The following PIEZO2 variants were observed in gnomAD, a reference collection of about 807,000 sequenced individuals.
The protein encoded by PIEZO2 is piezo type mechanosensitive ion channel component 2, also known as piezo-type mechanosensitive ion channel component 2.
In PIEZO2, 172 loss-of-function variants were observed where a neutral mutation model predicts 337.3. The ratio of observed to expected loss-of-function variants is 0.51; its 90% CI spans 0.45 to 0.58. The LOEUF (loss-of-function observed/expected upper bound fraction) is 0.58, where lower values mean the gene tolerates loss of function less well. Ranked by LOEUF, PIEZO2 falls within the 20% of genes least tolerant of loss-of-function variation. The pLI is 0.00. For missense variants in PIEZO2, 3,028 were observed against 3,391.3 expected (o/e 0.89, Z 2.66); for synonymous variants, 1,251 against 1,228.5 (o/e 1.02, Z -0.38).
At chr18:10,702,278 C>G in intron 42 of PIEZO2, 107 bp from the exon 43 acceptor site, 2 of 1,074,504 alleles carry the variant, frequency 1.9e-6, no homozygotes, top group South Asian at 1.6e-5. Context: ...CCGCATTTCA[C>G]AGTTTTGATG....
chr18:11,093,162 C>T (rs145652898), intron 1 of PIEZO2, among the ~76,000 whole-genome samples: 2 of 152,224 alleles, frequency 1.3e-5, no homozygotes, highest in African/African-American at 4.8e-5. Flanking sequence ...TACCTTTTCT[C>T]TCTCAATTAT....
In PIEZO2 at chr18:10,742,598, G is replaced by A; in HGVS notation, c.4532C>T (p.Ala1511Val). ...QLKRQMDRIK[A>V]RQQKYKKGKE... The stretch of plus-strand genomic sequence containing the variant: ...ACCCTTTTTATATTTCTGTTGCCTG[G>A]CCTTGATGCGATCCATCCTATAAAG... Residue 1511 changes from alanine to valine, a missense_variant, in exon 32 of 56, where the codon GCC becomes GTC. By Grantham distance (64) the Ala-to-Val change is moderately conservative. This residue lies in a region of PIEZO2 where 1,925 missense variants were observed against 2,051.9 expected (regional missense o/e 0.94). Coordinates refer to ENST00000674853, the MANE Select transcript of PIEZO2 (RefSeq NM_001378183.1). The A allele has an allele frequency of 6.5e-7, 1 of 1,537,012 alleles. No homozygotes were observed. The highest frequency in any genetic ancestry group is 8.7e-7 in the Non-Finnish European group (1 of 1,146,832).
chr18:10,687,238 T>G (rs1013483876), intron 49 of PIEZO2, among the ~76,000 whole-genome samples: 1 of 152,116 alleles, frequency 6.6e-6, no homozygotes, highest in African/African-American at 2.4e-5. Context: ...ACCTAGGTAT[T>G]AAGCCCAGTG....
At position 10,784,652 on chromosome 18, in the gene PIEZO2, A is replaced by T; in HGVS notation, c.2492+132T>A. 1.2e-6 allele frequency: 1 copy of T among 849,192 alleles called. No individual in the cohort carries two copies. Among genetic ancestry groups the T allele is most frequent in the African/African-American group, 1.7e-5 (1 of 58,730 alleles). The allele number at this position is 849,192 out of a possible 1,614,324, so 52.6% of individuals were successfully genotyped here. On this transcript the variant is annotated intron_variant, in intron 17 of 55. Coordinates refer to ENST00000674853, the MANE Select transcript of PIEZO2 (RefSeq NM_001378183.1). The surrounding 1 kb of genome is among the most constrained non-coding windows in gnomAD (Gnocchi z 4.5). ...CACATGTTTTCCTCTTTTTCTCACA[A>T]GCTGATACTCATGGAAAATTCAAGG...
intron 1 of PIEZO2, among the ~76,000 whole-genome samples, chr18:11,100,213 T>C (rs2146088169): frequency 6.6e-6 from 1 of 152,354 alleles, no homozygotes. Flanking sequence ...TTTTCTACAA[T>C]GATTCAAAGA....
chr18:11,115,900 T>C (rs1024983924), intron 1 of PIEZO2, among the ~76,000 whole-genome samples: 1 of 152,166 alleles, frequency 6.6e-6, no homozygotes, highest in Non-Finnish European at 1.5e-5. Context: ...GAAGAGAAGC[T>C]TTCTTCCTTT....
intron 3 of PIEZO2, among the ~76,000 whole-genome samples, chr18:10,959,067 T>C (rs772817280): frequency 2.0e-5 from 3 of 152,148 alleles, no homozygotes; most frequent in Admixed American, 2.0e-4. Flanking sequence ...ATTAAATATA[T>C]GTCATCAGCA....
chr18:10,924,169 C>A (rs1391518962), intron 3 of PIEZO2, among the ~76,000 whole-genome samples: 1 of 152,238 alleles, frequency 6.6e-6, no homozygotes, highest in Non-Finnish European at 1.5e-5. Flanking sequence ...GCAACATACA[C>A]ACTCTGAAGC....
chr18:10,715,057 G>A, intron 38 of PIEZO2, 127 bp from the exon 39 acceptor site: 5 of 908,212 alleles, frequency 5.5e-6, no homozygotes, highest in Non-Finnish European at 6.4e-6. Context: ...ACCATGCTAG[G>A]CAAGTGGGGA....
intron 7 of PIEZO2, among the ~76,000 whole-genome samples, chr18:10,835,764 G>C (rs1402491193): frequency 6.6e-6 from 1 of 152,172 alleles, no homozygotes; most frequent in East Asian, 1.9e-4. Context: ...GGCTGGTCTC[G>C]AACTCCTGAC....
intron 2 of PIEZO2, among the ~76,000 whole-genome samples, chr18:10,987,568 A>T (rs1009455861): frequency 6.6e-6 from 1 of 151,950 alleles, no homozygotes; most frequent in African/African-American, 2.4e-5. Context: ...CTCAAAATGT[A>T]TTAAAAATAT....
At position 11,148,377 on chromosome 18, in the gene PIEZO2, T is replaced by A. The variant is rs959741684; in HGVS notation, c.64+148A>T. ...AGAGTGGGAAGTGAGAGAGCCAGGC[T>A]GTGCACCAGGGACAGCGCGCGTCTG... On this transcript the variant is annotated intron_variant, in intron 1 of 55. Coordinates refer to ENST00000674853, the MANE Select transcript of PIEZO2 (RefSeq NM_001378183.1). This position sits in a 1 kb window ranked among gnomAD's most constrained non-coding sequence, Gnocchi z 5.2. The A allele has an allele frequency of 3.0e-5, 26 of 855,228 alleles. No individual in the cohort carries two copies. Among genetic ancestry groups the A allele is most frequent in the Non-Finnish European group, 4.5e-5 (25 of 550,240 alleles). The allele number at this position is 855,228 out of a possible 1,614,324, so 53.0% of individuals were successfully genotyped here. A position where few individuals can be genotyped will look rare whatever the true frequency, so the allele number is the denominator to read the frequency against.
chr18:11,032,958 C>T lies in PIEZO2; in HGVS notation c.160+33169G>A, dbSNP rs1405342343. The stretch of plus-strand genomic sequence containing the variant: ...CCATGGATAGCACTGGACTCACAGT[C>T]AAGGTAGATGAGAAATGAGTGAGGT... On this transcript the variant is annotated intron_variant, in intron 2 of 55. Transcript: ENST00000674853. The surrounding 1 kb of genome is among the most constrained non-coding windows in gnomAD (Gnocchi z 4.9). Among the ~76,000 whole-genome samples, 2 of 152,144 alleles carry T rather than the reference C, an allele frequency of 1.3e-5. No homozygotes were observed. Among genetic ancestry groups the T allele is most frequent in the Non-Finnish European group, 2.9e-5 (2 of 68,028 alleles).
rs1362367994 is a variant in PIEZO2, at chr18:11,112,707, T to A, written c.64+35818A>T. ...TATAACTTTCTGAAAATAATGCAAG[T>A]GACACCTGGTGTTCTACTGTCTATT... On this transcript the variant is annotated intron_variant, in intron 1 of 55. Coordinates refer to ENST00000674853, the MANE Select transcript of PIEZO2 (RefSeq NM_001378183.1). This position sits in a 1 kb window ranked among gnomAD's most constrained non-coding sequence, Gnocchi z 4.3. Among the ~76,000 whole-genome samples, 1 of 152,228 alleles carries A rather than the reference T, an allele frequency of 6.6e-6. No homozygotes were observed. Among genetic ancestry groups the A allele is most frequent in the Non-Finnish European group, 1.5e-5 (1 of 68,046 alleles).
intron 2 of PIEZO2, among the ~76,000 whole-genome samples, chr18:10,999,346 C>A (rs538414206): frequency 1.3e-5 from 2 of 152,198 alleles, no homozygotes; most frequent in Admixed American, 1.3e-4. Flanking sequence ...CTAGTAAAAG[C>A]ACAGTTGGTC....
intron 36 of PIEZO2, chr18:10,725,345 T>A (rs1244639911): frequency 6.2e-7 from 1 of 1,605,432 alleles, no homozygotes; most frequent in Non-Finnish European, 8.5e-7. Context: ...TGCAGCTGAG[T>A]GAAGACCTGC....
At chr18:10,910,855 G>C (rs1489356306) in intron 4 of PIEZO2, among the ~76,000 whole-genome samples, 1 of 151,994 alleles carries the variant, frequency 6.6e-6, no homozygotes, top group Non-Finnish European at 1.5e-5. Flanking sequence ...TATGACATAG[G>C]AGGTGATGAA....
In PIEZO2 at chr18:11,059,376, A is replaced by G. The variant is rs566318305; in HGVS notation, c.160+6751T>C. 5.9e-5 allele frequency among the ~76,000 whole-genome samples: 9 copies of G among 152,364 alleles called. No individual in the cohort carries two copies. The South Asian group carries it at 1.9e-3, about 32-fold the overall frequency. On this transcript the variant is annotated intron_variant, in intron 2 of 55. Coordinates refer to ENST00000674853, the MANE Select transcript of PIEZO2 (RefSeq NM_001378183.1). ...ACAGGCAAAATAACCAGCTAACATC[A>G]TAATGACAGGATCAAATTCACACAT...
intron 1 of PIEZO2, among the ~76,000 whole-genome samples, chr18:11,119,035 G>A (rs2039963042): frequency 1.3e-5 from 2 of 152,218 alleles, no homozygotes; most frequent in South Asian, 4.1e-4. Flanking sequence ...TGGTTGGGAG[G>A]AGGAAAATAA....
Sources: allele counts gnomAD v4.1 joint callset (sites outside exome capture counted in the v4.1 genomes callset), GRCh38; gene constraint gnomAD v4.1.1; regional missense constraint gnomAD v4.1.1; non-coding constraint Gnocchi (gnomAD v3.1); transcripts MANE v1.5; gene names NCBI Gene and HGNC (gene_info 2026-07-23, HGNC 2026-07-21).